The following TMPRSS6 variants were observed in gnomAD, a reference collection of about 807,000 sequenced individuals.
The protein encoded by TMPRSS6 is transmembrane protease serine 6.
In TMPRSS6, 67 loss-of-function variants were observed where a neutral mutation model predicts 101.5. The observed-to-expected ratio is 0.66, with a 90% CI of 0.54 to 0.81. The LOEUF is 0.81. Ranked by LOEUF, TMPRSS6 falls within the 30% of genes least tolerant of loss-of-function variation. TMPRSS6 has a pLI of 0.00. For missense variants in TMPRSS6, 1,034 were observed against 1,088.7 expected, an observed-to-expected ratio of 0.95 and a Z score of 0.71; for synonymous variants, 453 against 464.9, an observed-to-expected ratio of 0.97 and a Z score of 0.33.
chr22:37,105,630 C>T lies in TMPRSS6; in HGVS notation c.-1-2212G>A, dbSNP rs569555990. Among the ~76,000 whole-genome samples the T allele has an allele frequency of 3.9e-5, 6 of 152,232 alleles. No individual in the cohort carries two copies. In the South Asian group the frequency reaches 1.0e-3, roughly 26 times the overall value. Reference sequence around the variant, plus strand: ...GCTCCTTGCCCTTCTTTCAGTCCCTCGTCCCCTCCCTCTGCCAGAGGAGGA... The same window carrying T: ...GCTCCTTGCCCTTCTTTCAGTCCCTTGTCCCCTCCCTCTGCCAGAGGAGGA... On this transcript the variant is annotated intron_variant, in intron 1 of 17. Coordinates refer to ENST00000676104, the MANE Select transcript of TMPRSS6 (RefSeq NM_001374504.1).
Position 37,096,083 on chromosome 22 carries a change from G to T in TMPRSS6, c.412C>A (p.Pro138Thr). ...SSSVYSFGEG[P>T]LTCFFWFILQ... ...ATGAACCAGAAGAAGCAGGTGAGGG[G>T]TCCCTCCCTAAGGCAGGCAGAAGTG... is the stretch of plus-strand genomic sequence containing the variant. Residue 138 changes from proline to threonine, a missense_variant, in exon 5 of 18, where the codon CCC (proline) becomes ACC (threonine). Pro to Thr is a conservative substitution (Grantham distance 38). Coordinates refer to ENST00000676104, the MANE Select transcript of TMPRSS6 (RefSeq NM_001374504.1). 2 of 1,614,144 alleles carry T rather than the reference G, an allele frequency of 1.2e-6. No homozygotes were observed. Among genetic ancestry groups the T allele is most frequent in the East Asian group, 2.2e-5 (1 of 44,874 alleles).
intron 4 of TMPRSS6, 98 bp from the exon 5 acceptor site, chr22:37,096,188 G>C: frequency 7.3e-7 from 1 of 1,362,698 alleles, no homozygotes; most frequent in Non-Finnish European, 1.0e-6. Context: ...CCGCACCTCA[G>C]CCATTGCTGT....
chr22:37,067,106 C>G lies in TMPRSS6; in HGVS notation c.2114-144G>C, dbSNP rs546528620. On this transcript the variant is annotated intron_variant, in intron 16 of 17. Transcript: ENST00000676104. ...CTTACCCCTGCTAGGGTCGCACCTG[C>G]CCCTCTGCCTCCCTGTCACTTTATT... 883 of 1,209,302 alleles carry G rather than the reference C, an allele frequency of 7.3e-4. 3 individuals carry two copies. Among genetic ancestry groups the G allele is most frequent in the Non-Finnish European group, 8.7e-4 (742 of 848,640 alleles). 74.9% of individuals were successfully genotyped at this position (1,209,302 alleles called of 1,614,324 possible). A position where few individuals can be genotyped will look rare whatever the true frequency, so the allele number is the denominator to read the frequency against.
rs145618658 is a variant in TMPRSS6 at position 37,087,433 on chromosome 22, T to C, written c.837-1014A>G. Among the ~76,000 whole-genome samples the C allele has an allele frequency of 2.0e-4, 30 of 152,284 alleles. No individual in the cohort carries two copies. In the East Asian group the frequency reaches 5.4e-3, roughly 27 times the overall value. On this transcript the variant is annotated intron_variant, in intron 7 of 17. Coordinates refer to ENST00000676104, the MANE Select transcript of TMPRSS6 (RefSeq NM_001374504.1). ...AGCACAGCCTCAAAATCGCTACACA[T>C]GGCACCCAAGCAGCCTGCAGCCAGC...
intron 4 of TMPRSS6, among the ~76,000 whole-genome samples, 176 bp from the exon 5 acceptor site, chr22:37,096,266 T>A (rs1929755688): frequency 6.6e-6 from 1 of 152,208 alleles, no homozygotes; most frequent in Non-Finnish European, 1.5e-5. Flanking sequence ...ATTTTACGAA[T>A]GAGAAAACTG....
chr22:37,068,290 C>T (rs1926525082), intron 16 of TMPRSS6, among the ~76,000 whole-genome samples: 1 of 152,272 alleles, frequency 6.6e-6, no homozygotes, highest in African/African-American at 2.4e-5. Flanking sequence ...TGACCACTGC[C>T]ATCCCCTTGG....
In TMPRSS6 at chr22:37,086,127, C is replaced by T. The variant is rs1034433493; in HGVS notation, c.973+156G>A. 3.2e-4 allele frequency among the ~76,000 whole-genome samples: 26 copies of T among 81,966 alleles called. 1 individual carries two copies. Among genetic ancestry groups the T allele is most frequent in the Admixed American group, 3.1e-3 (20 of 6,494 alleles). 53.8% of individuals were successfully genotyped at this position (81,966 alleles called of 152,430 possible). On this transcript the variant is annotated intron_variant, in intron 8 of 17. Coordinates refer to ENST00000676104, the MANE Select transcript of TMPRSS6 (RefSeq NM_001374504.1). ...CAAACGACGGAAGGAAGAGGGGGGC[C>T]GGGGTGGGGAGTGGAGAGCAGCAGG...
intron 10 of TMPRSS6, among the ~76,000 whole-genome samples, chr22:37,078,876 GAGA>G (rs1387088349): frequency 2.1e-5 from 2 of 95,258 alleles, no homozygotes; most frequent in Non-Finnish European, 4.4e-5. Flanking sequence ...AAGAGGAAGG[GAGA>G]AGAAGGGAAA....
upstream of TMPRSS6, among the ~76,000 whole-genome samples, chr22:37,110,354 G>A (rs1289980713): frequency 7.9e-5 from 12 of 151,874 alleles, no homozygotes; most frequent in Non-Finnish European, 1.5e-4. Flanking sequence ...TGTTAGCCAG[G>A]CTGGTCTCGA....
intron 10 of TMPRSS6, chr22:37,082,946 C>T (rs1928381991): frequency 2.1e-6 from 1 of 468,098 alleles, no homozygotes; most frequent in South Asian, 1.6e-5. Flanking sequence ...TCTGGATGAT[C>T]CTTTTGAATA....
chr22:37,099,156 G>A (rs113505312), intron 2 of TMPRSS6, among the ~76,000 whole-genome samples: 1 of 152,258 alleles, frequency 6.6e-6, no homozygotes, highest in African/African-American at 2.4e-5. Flanking sequence ...CTGGGCCAGA[G>A]TGGAGTGACC....
chr22:37,086,695 T>C (rs767809585), intron 7 of TMPRSS6, among the ~76,000 whole-genome samples: 7 of 152,054 alleles, frequency 4.6e-5, no homozygotes, highest in Non-Finnish European at 5.9e-5. Flanking sequence ...AGTTTGATGA[T>C]GACGGCTGGC....
intron 17 of TMPRSS6, among the ~76,000 whole-genome samples, chr22:37,066,519 C>G (rs1226294830): frequency 6.6e-6 from 1 of 152,240 alleles, no homozygotes; most frequent in Non-Finnish European, 1.5e-5. Flanking sequence ...CTTTCTTCTT[C>G]CATGCATCCA....
intron 10 of TMPRSS6, among the ~76,000 whole-genome samples, chr22:37,081,398 C>T (rs1221124538): frequency 6.6e-6 from 1 of 152,150 alleles, no homozygotes; most frequent in Non-Finnish European, 1.5e-5. Flanking sequence ...TGTCTGGCTT[C>T]GACACTTAAG....
Position 37,086,419 on chromosome 22 carries a change from C to T in TMPRSS6, c.837G>A (p.Ser279=), listed in dbSNP as rs370981174. The change falls in exon 8 of 18, where the codon TCG becomes TCA. Residue 279 remains serine, a splice_region_variant and synonymous_variant. Transcript: ENST00000676104. The stretch of plus-strand genomic sequence containing the variant: ...GCTCCTGGCGGCTGCAGCCGTACAC[C>T]CTGGCAGAACAGAAAGGTGGCAAGG... ...AGPLEKRLIT[S]VYGCSRQEPV... is the part of the protein sequence containing the mutation. 15 of 1,579,208 alleles carry T rather than the reference C, an allele frequency of 9.5e-6. No individual in the cohort carries two copies. Among genetic ancestry groups the T allele is most frequent in the Non-Finnish European group, 1.3e-5 (15 of 1,162,472 alleles).
chr22:37,066,137 G>T lies in TMPRSS6; in HGVS notation c.2352C>A (p.Phe784Leu). 2 of 1,613,428 alleles carry T rather than the reference G, an allele frequency of 1.2e-6. No homozygotes were observed. The highest frequency in any genetic ancestry group is 1.3e-5 in the African/African-American group (1 of 75,040). The change falls in exon 18 of 18, where the codon TTC becomes TTA. Residue 784 changes from phenylalanine (F) to leucine (L), a missense_variant. Phe to Leu is a conservative substitution (Grantham distance 22, BLOSUM62 0). Transcript: ENST00000676104. ...CACCTGTGATGCGGGTGTAGACGCC[G>T]AAGTAGTTAGGCCGGCCACAGCCCA... ...WGLGCGRPNY[F>L]GVYTRITGVI...
In TMPRSS6 at chr22:37,066,837, CCTT is replaced by C. The variant is rs1409559822; in HGVS notation, c.2236_2238del (p.Lys746del). 1.2e-6 allele frequency: 2 copies of C among 1,614,096 alleles called. No individual in the cohort carries two copies. Among genetic ancestry groups the C allele is most frequent in the Non-Finnish European group, 1.7e-6 (2 of 1,180,044 alleles). ...CCCGGGGGACTCACCTGACAGGCAT[CCTT>C]CTTGCCCTTGCGGTAGCCGGCACAC... On this transcript the variant is annotated inframe_deletion, in exon 17 of 18. Transcript: ENST00000676104.
chr22:37,094,543 T>TGATAGATAGATAGATA (rs6147615), intron 6 of TMPRSS6, among the ~76,000 whole-genome samples: 12,710 of 150,762 alleles, frequency 0.084, 668 homozygotes, highest in African/African-American at 0.15. Context: ...TCAACAGAGA[T>TGATAGATAGATAGATA]GATAGATAGA....
chr22:37,096,160 A>G, intron 4 of TMPRSS6, 70 bp from the exon 5 acceptor site: 1 of 1,562,078 alleles, frequency 6.4e-7, no homozygotes, highest in South Asian at 1.1e-5. Flanking sequence ...ACCCCTGCTC[A>G]TGCACATCGA....
Sources: allele counts gnomAD v4.1 joint callset (sites outside exome capture counted in the v4.1 genomes callset), GRCh38; gene constraint gnomAD v4.1.1; transcripts MANE v1.5; gene names NCBI Gene and HGNC (gene_info 2026-07-23, HGNC 2026-07-21).